The following OSBPL3 variants were observed in gnomAD, a reference collection of about 807,000 sequenced individuals.
OSBPL3 encodes the protein oxysterol binding protein like 3.
A neutral mutation model predicts 120.1 loss-of-function variants in OSBPL3; 65 were observed. The ratio of observed to expected loss-of-function variants is 0.54; its 90% CI spans 0.44 to 0.67. OSBPL3 has a LOEUF of 0.67. Among genes scored for constraint, OSBPL3 ranks in the 30% least tolerant of loss-of-function variants. The probability of loss-of-function intolerance (pLI) is 0.00; values close to 1 mark genes in which losing one functional copy is unlikely to be tolerated. For synonymous variants in OSBPL3, 416 were observed against 402.6 expected (o/e 1.03, Z -0.40); for missense variants, 1,004 against 1,082.1 (o/e 0.93, Z 1.01).
chr7:24,812,904 G>T (rs1794014462), intron 19 of OSBPL3, among the ~76,000 whole-genome samples: 1 of 150,626 alleles, frequency 6.6e-6, no homozygotes, highest in Non-Finnish European at 1.5e-5. Flanking sequence ...GATGATACAG[G>T]GTCTTATTCT....
Position 24,830,781 on chromosome 7 carries a change from A to T in OSBPL3, c.1871T>A (p.Phe624Tyr). ...GTGTACATCTACCTGTTCTGAAAAA[A>T]ACTGGAAGCCCTTGTCCTCCCGAAT... ...ECIREDKGFQFFSEQVSHHPP... is the reference protein window; with the variant it reads ...ECIREDKGFQYFSEQVSHHPP... The change falls in exon 16 of 23, where the codon TTT becomes TAT. Residue 624 changes from phenylalanine (F) to tyrosine (Y), a missense_variant. By Grantham distance (22) the Phe-to-Tyr change is conservative. Transcript: ENST00000313367. The surrounding 1 kb of genome is among the most constrained non-coding windows in gnomAD (Gnocchi z 4.4). 1 of 1,610,332 alleles carries T rather than the reference A, an allele frequency of 6.2e-7. No homozygotes were observed. The highest frequency in any genetic ancestry group is 8.5e-7 in the Non-Finnish European group (1 of 1,179,132).
rs2128099251 is a variant in OSBPL3, at chr7:24,804,148, TGCG to T, written c.2567+164_2567+166del. ...GCAAGAGGGAGAGCCTGAAGGTAAGTGCGGGGGACAGGGCCTGGCACAGAGGAG... is the reference window on the plus strand; with the variant it reads ...GCAAGAGGGAGAGCCTGAAGGTAAGTGGGGACAGGGCCTGGCACAGAGGAG... On this transcript the variant is annotated intron_variant, in intron 22 of 22. Coordinates refer to ENST00000313367, the MANE Select transcript of OSBPL3 (RefSeq NM_015550.4). The surrounding 1 kb of genome is among the most constrained non-coding windows in gnomAD (Gnocchi z 5.4). 6.6e-6 allele frequency among the ~76,000 whole-genome samples: 1 copy of T among 152,162 alleles called. No homozygotes were observed. The highest frequency in any genetic ancestry group is 6.5e-5 in the Admixed American group (1 of 15,282).
intron 6 of OSBPL3, among the ~76,000 whole-genome samples, chr7:24,865,731 G>C (rs952871981): frequency 6.6e-6 from 1 of 152,094 alleles, no homozygotes; most frequent in African/African-American, 2.4e-5. Flanking sequence ...ATAAATGTTT[G>C]GAAATATTTT....
chr7:24,956,729 A>T (rs948255763), intron 1 of OSBPL3, among the ~76,000 whole-genome samples: 1 of 152,098 alleles, frequency 6.6e-6, no homozygotes, highest in Non-Finnish European at 1.5e-5. Context: ...TACTTGTGTT[A>T]CCTTAATAAA....
chr7:24,852,748 T>C lies in OSBPL3; in HGVS notation c.1028-114A>G. 2.9e-6 allele frequency: 2 copies of C among 684,562 alleles called. No individual in the cohort carries two copies. Among genetic ancestry groups the C allele is most frequent in the Non-Finnish European group, 4.6e-6 (2 of 434,300 alleles). 42.4% of individuals were successfully genotyped at this position (684,562 alleles called of 1,614,324 possible). A position where few individuals can be genotyped will look rare whatever the true frequency, so the allele number is the denominator to read the frequency against. ...AAGCAAAGTAACAGCCCTGAATATT[T>C]TGAGTATAGCAAATGTACATTCTAC... is the stretch of plus-strand genomic sequence containing the variant. On this transcript the variant is annotated intron_variant, in intron 10 of 22. Coordinates refer to ENST00000313367, the MANE Select transcript of OSBPL3 (RefSeq NM_015550.4). This position sits in a 1 kb window ranked among gnomAD's most constrained non-coding sequence, Gnocchi z 4.1.
chr7:24,948,448 T>G (rs889920556), intron 1 of OSBPL3, among the ~76,000 whole-genome samples: 22 of 152,154 alleles, frequency 1.4e-4, no homozygotes, highest in African/African-American at 4.8e-4. Context: ...ATGGGTTTCA[T>G]GCAATGGTAC....
chr7:24,808,990 C>A lies in OSBPL3; in HGVS notation c.2317+817G>T, dbSNP rs1793419085. On this transcript the variant is annotated intron_variant, in intron 20 of 22. Coordinates refer to ENST00000313367, the MANE Select transcript of OSBPL3 (RefSeq NM_015550.4). The surrounding 1 kb of genome is among the most constrained non-coding windows in gnomAD (Gnocchi z 4.6). The stretch of plus-strand genomic sequence containing the variant: ...ATTCATTAGGGGAAACACCACGGCA[C>A]ACTGGGAGTAGCAGAATGTATCCTC... 6.6e-6 allele frequency among the ~76,000 whole-genome samples: 1 copy of A among 152,164 alleles called. No individual in the cohort carries two copies. The highest frequency in any genetic ancestry group is 2.1e-4 in the South Asian group (1 of 4,834).
At position 24,835,959 on chromosome 7, in the gene OSBPL3, C is replaced by T. The variant is rs1056685311; in HGVS notation, c.1496-1223G>A. On this transcript the variant is annotated intron_variant, in intron 14 of 22. Coordinates refer to ENST00000313367, the MANE Select transcript of OSBPL3 (RefSeq NM_015550.4). This position sits in a 1 kb window ranked among gnomAD's most constrained non-coding sequence, Gnocchi z 4.8. Reference sequence around the variant, plus strand: ...GTAGTGGGTGAGGATCAAAAACCTACCTATTTGGTGCTATGCTTATTACCT... The same window carrying T: ...GTAGTGGGTGAGGATCAAAAACCTATCTATTTGGTGCTATGCTTATTACCT... Among the ~76,000 whole-genome samples, 2 of 151,908 alleles carry T rather than the reference C, an allele frequency of 1.3e-5. No individual in the cohort carries two copies. Among genetic ancestry groups the T allele is most frequent in the African/African-American group, 2.4e-5 (1 of 41,338 alleles).
Position 24,818,267 on chromosome 7 carries a change from G to C in OSBPL3, c.1949-1579C>G. ...CAGTTTATTAAATTCACAATTCTGT[G>C]AATAAAAACCATTGAATTGTACACT... is the stretch of plus-strand genomic sequence containing the variant. On this transcript the variant is annotated intron_variant, in intron 17 of 22. Coordinates refer to ENST00000313367, the MANE Select transcript of OSBPL3 (RefSeq NM_015550.4). This position sits in a 1 kb window ranked among gnomAD's most constrained non-coding sequence, Gnocchi z 4.0. Among the ~76,000 whole-genome samples the C allele has an allele frequency of 6.6e-6, 1 of 151,998 alleles. No homozygotes were observed. The highest frequency in any genetic ancestry group is 1.9e-4 in the East Asian group (1 of 5,196).
chr7:24,803,847 C>T lies in OSBPL3; in HGVS notation c.2567+468G>A, dbSNP rs1792685070. Among the ~76,000 whole-genome samples the T allele has an allele frequency of 6.6e-6, 1 of 152,122 alleles. No homozygotes were observed. The highest frequency in any genetic ancestry group is 1.5e-5 in the Non-Finnish European group (1 of 68,002). ...TTTAAAGATAACAGTAAATGTAAGC[C>T]CAAGTGTACTGGAACTTCTACAATG... On this transcript the variant is annotated intron_variant, in intron 22 of 22. Transcript: ENST00000313367. The surrounding 1 kb of genome is among the most constrained non-coding windows in gnomAD (Gnocchi z 4.2).
chr7:24,804,192 G>T lies in OSBPL3; in HGVS notation c.2567+123C>A. On this transcript the variant is annotated intron_variant, in intron 22 of 22. Transcript: ENST00000313367. The surrounding 1 kb of genome is among the most constrained non-coding windows in gnomAD (Gnocchi z 5.4). ...CACAGAGGAGCAGTACCCCCACGTG[G>T]AAGCAGGAAAAGCCTGGAGAATGCT... The T allele has an allele frequency of 8.5e-7, 1 of 1,169,990 alleles. No individual in the cohort carries two copies. The highest frequency in any genetic ancestry group is 1.2e-6 in the Non-Finnish European group (1 of 807,276). The allele number at this position is 1,169,990 out of a possible 1,614,324, so 72.5% of individuals were successfully genotyped here.
intron 14 of OSBPL3, among the ~76,000 whole-genome samples, chr7:24,838,778 T>C (rs10225900): frequency 0.022 from 3,275 of 152,300 alleles, 135 homozygotes; most frequent in African/African-American, 0.075. Flanking sequence ...GTGCATGCTG[T>C]TTGCCAAGGG....
chr7:24,849,072 T>G lies in OSBPL3; in HGVS notation c.1263A>C (p.Ala421=). 1 of 1,612,006 alleles carries G rather than the reference T, an allele frequency of 6.2e-7. No individual in the cohort carries two copies. Among genetic ancestry groups the G allele is most frequent in the Non-Finnish European group, 8.5e-7 (1 of 1,178,246 alleles). The change falls in exon 12 of 23, where the codon GCA becomes GCC. Residue 421 remains alanine, a synonymous_variant. Coordinates refer to ENST00000313367, the MANE Select transcript of OSBPL3 (RefSeq NM_015550.4). This position sits in a 1 kb window ranked among gnomAD's most constrained non-coding sequence, Gnocchi z 5.4. ...PAVAKSGDNL[A]EENSRDENRA... ...ACCAGACGAGAAACCTACCCACCTC[T>G]GCCAGATTGTCACCCGACTTGGCGA...
intron 20 of OSBPL3, 111 bp downstream of exon 20, chr7:24,809,696 G>C (rs1793522815): frequency 4.1e-6 from 4 of 978,386 alleles, no homozygotes; most frequent in South Asian, 1.6e-5. Context: ...GTTCAAAGCA[G>C]AAGAGGCTGG....
rs1359947215 is a variant in OSBPL3 at position 24,955,477 on chromosome 7, T to G, written c.-150+24409A>C. Among the ~76,000 whole-genome samples the G allele has an allele frequency of 6.6e-6, 1 of 152,244 alleles. No individual in the cohort carries two copies. The highest frequency in any genetic ancestry group is 2.4e-5 in the African/African-American group (1 of 41,470). ...CTAGTGATTCTCCCTGGCTGTTCTG[T>G]GGAGGAGAGGCTACTGGGGTGGCCT... is the stretch of plus-strand genomic sequence containing the variant. On this transcript the variant is annotated intron_variant, in intron 1 of 22. Coordinates refer to ENST00000313367, the MANE Select transcript of OSBPL3 (RefSeq NM_015550.4). The surrounding 1 kb of genome is among the most constrained non-coding windows in gnomAD (Gnocchi z 4.3).
In OSBPL3 at chr7:24,853,624, G is replaced by A. The variant is rs369832803; in HGVS notation, c.1028-990C>T. ...AATAGATAAAAGTTGCTTCAATGCT[G>A]TATTTCCTGAATTTGATTACTATAC... On this transcript the variant is annotated intron_variant, in intron 10 of 22. Transcript: ENST00000313367. 1.4e-4 allele frequency among the ~76,000 whole-genome samples: 21 copies of A among 152,272 alleles called. No individual in the cohort carries two copies. In the East Asian group the frequency reaches 2.9e-3, roughly 21 times the overall value.
rs1346069888 is a variant in OSBPL3 at position 24,818,683 on chromosome 7, C to T, written c.1948+1492G>A. Among the ~76,000 whole-genome samples, 2 of 152,062 alleles carry T rather than the reference C, an allele frequency of 1.3e-5. No homozygotes were observed. The highest frequency in any genetic ancestry group is 1.3e-4 in the Admixed American group (2 of 15,254). On this transcript the variant is annotated intron_variant, in intron 17 of 22. Transcript: ENST00000313367. The surrounding 1 kb of genome is among the most constrained non-coding windows in gnomAD (Gnocchi z 4.0). ...GAGAACAAAGAACAGATGTGACAAA[C>T]AGAAAAGAAACATCATGAGGGCAGA...
intron 1 of OSBPL3, among the ~76,000 whole-genome samples, chr7:24,917,412 A>ATATATATG (rs2128439483): frequency 7.5e-6 from 1 of 133,002 alleles, no homozygotes; most frequent in Admixed American, 7.3e-5. Flanking sequence ...ATATATATAT[A>ATATATATG]TATATATATA....
Position 24,831,845 on chromosome 7 carries a change from T to G in OSBPL3, c.1747-940A>C, listed in dbSNP as rs914612197. Reference sequence around the variant, plus strand: ...GCTAAATTTTTGATGTTGCCTGTAATAGGGACCACCTCACCACCTCATGCT... The same window carrying G: ...GCTAAATTTTTGATGTTGCCTGTAAGAGGGACCACCTCACCACCTCATGCT... On this transcript the variant is annotated intron_variant, in intron 15 of 22. Coordinates refer to ENST00000313367, the MANE Select transcript of OSBPL3 (RefSeq NM_015550.4). This position sits in a 1 kb window ranked among gnomAD's most constrained non-coding sequence, Gnocchi z 4.0. Among the ~76,000 whole-genome samples, 3 of 152,182 alleles carry G rather than the reference T, an allele frequency of 2.0e-5. No individual in the cohort carries two copies. Among genetic ancestry groups the G allele is most frequent in the African/African-American group, 7.2e-5 (3 of 41,450 alleles).
Sources: allele counts gnomAD v4.1 joint callset (sites outside exome capture counted in the v4.1 genomes callset), GRCh38; gene constraint gnomAD v4.1.1; non-coding constraint Gnocchi (gnomAD v3.1); transcripts MANE v1.5; gene names NCBI Gene and HGNC (gene_info 2026-07-23, HGNC 2026-07-21).